Variants in FSIP1 observed in about 807,000 individuals in gnomAD.
FSIP1 encodes the protein fibrous sheath-interacting protein 1.
Under a neutral mutation model 60.9 loss-of-function variants are expected in FSIP1, and 65 were observed. The ratio of observed to expected loss-of-function variants is 1.07; its 90% confidence interval spans 0.87 to 1.31. The LOEUF is 1.31. Ranked by LOEUF, FSIP1 falls within the 40% of genes most tolerant of loss-of-function variation. The pLI, the probability that FSIP1 is intolerant of heterozygous loss-of-function variation, is 0.00. For missense variants in FSIP1, 675 were observed against 665.5 expected, an observed-to-expected ratio of 1.01 and a Z score of -0.16; for synonymous variants, 209 against 221.2, an observed-to-expected ratio of 0.94 and a Z score of 0.49.
intron 1 of FSIP1, 60 bp from the exon 2 acceptor site, chr15:39,776,591 G>T: frequency 7.1e-7 from 1 of 1,409,052 alleles, no homozygotes; most frequent in Non-Finnish European, 9.8e-7. Context: ...TCTTTCATTA[G>T]TTAGTATTAA....
intron 10 of FSIP1, among the ~76,000 whole-genome samples, chr15:39,619,090 A>G (rs1005454759): frequency 9.2e-5 from 14 of 152,214 alleles, no homozygotes; most frequent in Admixed American, 7.2e-4. Flanking sequence ...ATGAATTTCA[A>G]TGACTTTAAT....
At chr15:39,674,315 A>G (rs932986296) in intron 10 of FSIP1, among the ~76,000 whole-genome samples, 1 of 152,154 alleles carries the variant, frequency 6.6e-6, no homozygotes, top group Non-Finnish European at 1.5e-5. Flanking sequence ...CGGCCTCCCA[A>G]AGTGCTAGGA....
chr15:39,625,456 GTGCTTTCTAACAGGGTGACTT>G (rs1026680458), intron 10 of FSIP1, among the ~76,000 whole-genome samples: 4 of 152,188 alleles, frequency 2.6e-5, no homozygotes, highest in African/African-American at 4.8e-5. Context: ...GAGCCAGACT[GTGCTTTCTAACAGGGTGACTT>G]TGCTTTCTAA....
chr15:39,689,192 T>C (rs758379788), intron 10 of FSIP1, among the ~76,000 whole-genome samples: 1 of 152,108 alleles, frequency 6.6e-6, no homozygotes, highest in Non-Finnish European at 1.5e-5. Context: ...AACAGATGCA[T>C]AGGGAGATGT....
At chr15:39,768,396 T>C (rs888130072) in intron 3 of FSIP1, among the ~76,000 whole-genome samples, 2 of 152,210 alleles carry the variant, frequency 1.3e-5, no homozygotes, top group Admixed American at 1.3e-4. Context: ...AATGAACATA[T>C]TAGAAATCAA....
intron 10 of FSIP1, among the ~76,000 whole-genome samples, chr15:39,672,071 C>T (rs189459559): frequency 7.8e-4 from 119 of 152,258 alleles, no homozygotes; most frequent in Middle Eastern, 3.4e-3. Flanking sequence ...GCATAAGCAG[C>T]GGTTATGACT....
chr15:39,732,511 T>A (rs970360943), intron 8 of FSIP1, among the ~76,000 whole-genome samples: 3 of 149,472 alleles, frequency 2.0e-5, no homozygotes, highest in Non-Finnish European at 4.4e-5. Context: ...CCCACCTACT[T>A]GGAAGGCTGA....
At chr15:39,718,137 C>T (rs1195865995) in intron 9 of FSIP1, among the ~76,000 whole-genome samples, 2 of 152,032 alleles carry the variant, frequency 1.3e-5, no homozygotes, top group Admixed American at 1.3e-4. Context: ...TAAATAGTCC[C>T]TTCATATAAT....
chr15:39,669,548 A>G lies in FSIP1; in HGVS notation c.1188+43896T>C, dbSNP rs1427927878. Reference sequence around the variant, plus strand: ...TGATTTGAAGTTGTTCTATTAATTAACAGAAAGATATCTTTATTTCATATT... The same window carrying G: ...TGATTTGAAGTTGTTCTATTAATTAGCAGAAAGATATCTTTATTTCATATT... On this transcript the variant is annotated intron_variant, in intron 10 of 11. Transcript: ENST00000350221. Among the ~76,000 whole-genome samples, 3 of 152,350 alleles carry G rather than the reference A, an allele frequency of 2.0e-5. No homozygotes were observed. In the East Asian group the frequency reaches 5.8e-4, roughly 29 times the overall value.
At chr15:39,729,085 A>G (rs1208727226) in intron 8 of FSIP1, among the ~76,000 whole-genome samples, 1 of 152,240 alleles carries the variant, frequency 6.6e-6, no homozygotes, top group African/African-American at 2.4e-5. Context: ...TAAAAAGTCA[A>G]AAAATCACAG....
At chr15:39,754,934 TAC>T (rs1297472301) in intron 5 of FSIP1, among the ~76,000 whole-genome samples, 1 of 151,858 alleles carries the variant, frequency 6.6e-6, no homozygotes, top group Non-Finnish European at 1.5e-5. Flanking sequence ...CAGTAGAAAA[TAC>T]AGACACTGAA....
At chr15:39,770,170 T>C (rs532693337) in intron 3 of FSIP1, among the ~76,000 whole-genome samples, 1 of 152,324 alleles carries the variant, frequency 6.6e-6, no homozygotes, top group African/African-American at 2.4e-5. Flanking sequence ...AAATACTCCC[T>C]ACTTGATTAA....
In FSIP1 at chr15:39,752,285, G is replaced by T. The variant is rs1897186732; in HGVS notation, c.560-10385C>A. Among the ~76,000 whole-genome samples the T allele has an allele frequency of 2.0e-5, 3 of 151,898 alleles. No individual in the cohort carries two copies. The South Asian group carries it at 6.2e-4, about 31-fold the overall frequency. ...TGATTTCTGTACATGGTAAGTTAGAGATCCAGTTTTATCTCTCTTCCTATG... is the reference window on the plus strand; with the variant it reads ...TGATTTCTGTACATGGTAAGTTAGATATCCAGTTTTATCTCTCTTCCTATG... On this transcript the variant is annotated intron_variant, in intron 5 of 11. Coordinates refer to ENST00000350221, the MANE Select transcript of FSIP1 (RefSeq NM_152597.5).
At chr15:39,778,717 A>C (rs1223714744) in intron 1 of FSIP1, among the ~76,000 whole-genome samples, 1 of 152,228 alleles carries the variant, frequency 6.6e-6, no homozygotes, top group Admixed American at 6.5e-5. Context: ...TGAGGAGTGC[A>C]CAAAAGGAAG....
chr15:39,776,645 C>G, intron 1 of FSIP1, 114 bp from the exon 2 acceptor site: 3 of 949,298 alleles, frequency 3.2e-6, no homozygotes, highest in Non-Finnish European at 4.7e-6. Flanking sequence ...TATGTTGCTA[C>G]TGAAGTCACA....
intron 8 of FSIP1, among the ~76,000 whole-genome samples, chr15:39,735,823 TA>T (rs1287325147): frequency 6.6e-6 from 1 of 152,204 alleles, no homozygotes; most frequent in African/African-American, 2.4e-5. Flanking sequence ...TTTCTTTTTT[TA>T]TTTTTAAGAT....
At chr15:39,728,796 G>T (rs1433955825) in intron 8 of FSIP1, among the ~76,000 whole-genome samples, 2 of 152,132 alleles carry the variant, frequency 1.3e-5, no homozygotes, top group Admixed American at 1.3e-4. Context: ...CACAGCAAGA[G>T]AAACTATCAA....
intron 10 of FSIP1, among the ~76,000 whole-genome samples, chr15:39,667,403 G>A (rs901750510): frequency 6.6e-6 from 1 of 152,122 alleles, no homozygotes; most frequent in East Asian, 1.9e-4. Context: ...GATTTACACC[G>A]GTCTCTGTCT....
intron 10 of FSIP1, among the ~76,000 whole-genome samples, chr15:39,656,604 C>A (rs1260747634): frequency 1.3e-5 from 2 of 152,164 alleles, no homozygotes; most frequent in African/African-American, 4.8e-5. Flanking sequence ...TCTATAAAGT[C>A]AGCAGAATAA....
Sources: gnomAD v4.1 joint callset for allele counts (sites outside exome capture counted in the v4.1 genomes callset) on GRCh38, gnomAD v4.1.1 for gene constraint, MANE v1.5 for transcripts, NCBI Gene and HGNC (gene_info 2026-07-23, HGNC 2026-07-21) for gene names.